XRCC5: variants seen among roughly 807,000 people sequenced by gnomAD.
XRCC5 encodes the protein DNA repair protein Ku80.
XRCC5 carries 12 observed loss-of-function variants against 95.7 expected under a neutral mutation model. The ratio of observed to expected loss-of-function variants is 0.13; its 90% confidence interval spans 0.08 to 0.20. XRCC5 has a LOEUF of 0.20. Among genes scored for constraint, XRCC5 ranks in the 10% least tolerant of loss-of-function variants. XRCC5 has a pLI of 1.00. For synonymous variants in XRCC5, 281 were observed against 290.3 expected (o/e 0.97, Z 0.33); for missense variants, 595 against 873.9 (o/e 0.68, Z 4.02).
intron 16 of XRCC5, among the ~76,000 whole-genome samples, chr2:216,189,995 A>G (rs570307486): frequency 6.6e-6 from 1 of 152,356 alleles, no homozygotes; most frequent in East Asian, 1.9e-4. Flanking sequence ...TCAGCATTTT[A>G]GAAATTAATT....
At chr2:216,131,156 T>C in intron 9 of XRCC5, 169 bp downstream of exon 9, 1 of 984,904 alleles carries the variant, frequency 1.0e-6, no homozygotes, top group Non-Finnish European at 1.2e-6. Context: ...ATTGGGAAAC[T>C]GAGGTTCAGA....
At chr2:216,136,874 A>T (rs1283526095) in intron 10 of XRCC5, among the ~76,000 whole-genome samples, 8 of 152,334 alleles carry the variant, frequency 5.3e-5, no homozygotes. Context: ...GGAAGGTTGA[A>T]GCAGTAAGAC....
At chr2:216,174,283 A>G (rs1385205525) in intron 16 of XRCC5, among the ~76,000 whole-genome samples, 2 of 152,206 alleles carry the variant, frequency 1.3e-5, no homozygotes, top group Non-Finnish European at 2.9e-5. Flanking sequence ...AAACATACAA[A>G]TATCTCTTCT....
intron 4 of XRCC5, among the ~76,000 whole-genome samples, chr2:216,118,747 C>T (rs1696747414): frequency 6.6e-6 from 1 of 152,194 alleles, no homozygotes; most frequent in Non-Finnish European, 1.5e-5. Context: ...TCTTTGTTTA[C>T]ATTCTGCCTA....
Position 216,127,580 on chromosome 2 carries a change from A to G in XRCC5, c.843A>G (p.Ala281=), listed in dbSNP as rs756171377. 14 of 1,611,206 alleles carry G rather than the reference A, an allele frequency of 8.7e-6. No homozygotes were observed. The East Asian group carries it at 3.1e-4, about 36-fold the overall frequency. The change falls in exon 8 of 21, where the codon GCA becomes GCG. Residue 281 remains alanine (A), a synonymous_variant. Coordinates refer to ENST00000392132, the MANE Select transcript of XRCC5 (RefSeq NM_021141.4). ...AAAAGACTTGGACAGTTGTGGATGC[A>G]AAAACCCTAAAAAAAGAAGATATAC... ...RVKKTWTVVD[A]KTLKKEDIQK...
chr2:216,192,745 C>T lies in XRCC5; in HGVS notation c.2041+10C>T. 1 of 1,542,388 alleles carries T rather than the reference C, an allele frequency of 6.5e-7. No individual in the cohort carries two copies. The highest frequency in any genetic ancestry group is 2.3e-5 in the East Asian group (1 of 43,072). ...GAAATTGTTGTCCAGGGTAAGTTGT[C>T]ATTTGCCTTTTTTTTTAAAAAGTAT... On this transcript the variant is annotated intron_variant, in intron 18 of 20. Coordinates refer to ENST00000392132, the MANE Select transcript of XRCC5 (RefSeq NM_021141.4).
At chr2:216,122,650 A>G (rs1696830728) in intron 6 of XRCC5, among the ~76,000 whole-genome samples, 1 of 151,908 alleles carries the variant, frequency 6.6e-6, no homozygotes, top group South Asian at 2.1e-4. Flanking sequence ...GATCTGAGAT[A>G]GTCAGTATCT....
intron 19 of XRCC5, chr2:216,204,044 C>T (rs752787724): frequency 2.3e-6 from 1 of 436,182 alleles, no homozygotes; most frequent in Non-Finnish European, 4.3e-6. Flanking sequence ...ATACAGGACA[C>T]TACACACTGT....
intron 1 of XRCC5, 81 bp downstream of exon 1, chr2:216,109,538 C>T: frequency 6.3e-7 from 1 of 1,586,134 alleles, no homozygotes; most frequent in Non-Finnish European, 8.6e-7. Context: ...ATCGTGGGAT[C>T]GCGGTCAAGA....
intron 16 of XRCC5, among the ~76,000 whole-genome samples, chr2:216,171,689 T>G (rs749264419): frequency 6.6e-6 from 1 of 152,262 alleles, no homozygotes; most frequent in Non-Finnish European, 1.5e-5. Flanking sequence ...ACTACTTTTT[T>G]ACAATTCCCT....
intron 5 of XRCC5, among the ~76,000 whole-genome samples, chr2:216,120,028 C>G (rs1696777033): frequency 6.6e-6 from 1 of 152,176 alleles, no homozygotes; most frequent in Admixed American, 6.5e-5. Flanking sequence ...TCATAAAATG[C>G]CTGCCTGGGG....
At chr2:216,118,422 C>G (rs1696742004) in intron 4 of XRCC5, among the ~76,000 whole-genome samples, 1 of 152,176 alleles carries the variant, frequency 6.6e-6, no homozygotes, top group Non-Finnish European at 1.5e-5. Context: ...AGCAGTCCTC[C>G]TATCTTGGCC....
chr2:216,151,201 A>G (rs16855482), intron 14 of XRCC5, among the ~76,000 whole-genome samples: 6,929 of 152,296 alleles, frequency 0.045, 487 homozygotes, highest in African/African-American at 0.16. Flanking sequence ...TCAAGAGGAT[A>G]AGAGCACCAT....
Position 216,127,596 on chromosome 2 carries a change from G to A in XRCC5, c.859G>A (p.Glu287Lys), listed in dbSNP as rs753993841. 5 of 1,612,364 alleles carry A rather than the reference G, an allele frequency of 3.1e-6. No homozygotes were observed. Among genetic ancestry groups the A allele is most frequent in the Non-Finnish European group, 4.2e-6 (5 of 1,179,450 alleles). ...TVVDAKTLKK[E>K]DIQKETVYCL... ...TGTGGATGCAAAAACCCTAAAAAAA[G>A]AAGATATACAAAAAGAAACAGTTTA... The change falls in exon 8 of 21, where the codon GAA (glutamate) becomes AAA (lysine). Residue 287 changes from glutamate (E) to lysine (K), a missense_variant. Physicochemically the swap from Glu to Lys is moderately conservative, Grantham distance 56. This residue lies in a region of XRCC5 where 286 missense variants were observed against 491.1 expected (regional missense o/e 0.58). Transcript: ENST00000392132.
intron 10 of XRCC5, 106 bp downstream of exon 10, chr2:216,132,493 C>G (rs757740989): frequency 4.2e-5 from 48 of 1,129,878 alleles, no homozygotes; most frequent in Middle Eastern, 3.9e-4. Context: ...TGAATTCTTG[C>G]AATAGGAGTG....
intron 14 of XRCC5, among the ~76,000 whole-genome samples, chr2:216,150,735 A>G (rs207907): frequency 0.41 from 62,566 of 151,824 alleles, 13,851 homozygotes; most frequent in Non-Finnish European, 0.51. Context: ...CTAAAAATAC[A>G]AAAATGAACT....
chr2:216,136,447 G>C (rs796858629), intron 10 of XRCC5, among the ~76,000 whole-genome samples: 2 of 151,942 alleles, frequency 1.3e-5, no homozygotes, highest in Non-Finnish European at 1.5e-5. Flanking sequence ...TAGAATTTTA[G>C]AGTGAGAGGA....
chr2:216,126,505 A>G (rs1194504090), intron 7 of XRCC5, among the ~76,000 whole-genome samples: 1 of 152,214 alleles, frequency 6.6e-6, no homozygotes, highest in Non-Finnish European at 1.5e-5. Flanking sequence ...ATTTTATAAT[A>G]TATGTACATT....
Position 216,148,160 on chromosome 2 carries a change from T to C in XRCC5, c.1554T>C (p.Pro518=). 1.2e-6 allele frequency: 2 copies of C among 1,614,104 alleles called. No homozygotes were observed. Among genetic ancestry groups the C allele is most frequent in the Non-Finnish European group, 1.7e-6 (2 of 1,180,000 alleles). ...IQQHIWNMLN[P]PAEVTTKSQI... is the part of the protein sequence containing the mutation. ...AGCATATTTGGAATATGCTGAATCC[T>C]CCCGCTGAGGTGACAACAAAAAGTC... The change falls in exon 14 of 21, where the codon CCT becomes CCC. Residue 518 remains proline, a synonymous_variant. Transcript: ENST00000392132.
Sources: allele counts gnomAD v4.1 joint callset (sites outside exome capture counted in the v4.1 genomes callset), GRCh38; gene constraint gnomAD v4.1.1; regional missense constraint gnomAD v4.1.1; transcripts MANE v1.5; gene names NCBI Gene and HGNC (gene_info 2026-07-23, HGNC 2026-07-21).